ADRA1D: variants seen among roughly 807,000 people sequenced by gnomAD.
ADRA1D encodes alpha-1D adrenergic receptor.
A neutral mutation model predicts 18.6 loss-of-function variants in ADRA1D; 22 were observed. The observed-to-expected ratio is 1.19, with a 90% CI of 0.85 to 1.69. The LOEUF is 1.69. Ranked by LOEUF, ADRA1D falls within the 40% of genes most tolerant of loss-of-function variation. The pLI is 0.00. For synonymous variants in ADRA1D, 376 were observed against 388.2 expected (o/e 0.97, Z 0.37); for missense variants, 840 against 840.7 (o/e 1.00, Z 0.01).
chr20:4,239,827 C>A lies in ADRA1D; in HGVS notation c.1111+8020G>T, dbSNP rs1033401575. ...AGAGGAATATTGAACATCTTCCCTG[C>A]CTTTGCTGTACAGATTCTATTTAAC... On this transcript the variant is annotated intron_variant, in intron 1 of 1. Transcript: ENST00000379453. This position sits in a 1 kb window ranked among gnomAD's most constrained non-coding sequence, Gnocchi z 4.9. 2.6e-5 allele frequency among the ~76,000 whole-genome samples: 4 copies of A among 152,202 alleles called. No homozygotes were observed. The highest frequency in any genetic ancestry group is 5.9e-5 in the Non-Finnish European group (4 of 68,030).
In ADRA1D at chr20:4,248,652, G is replaced by T; in HGVS notation, c.306C>A (p.Phe102Leu). The change falls in exon 1 of 2, where the codon TTC becomes TTA. Residue 102 changes from phenylalanine to leucine, a missense_variant. Coordinates refer to ENST00000379453, the MANE Select transcript of ADRA1D (RefSeq NM_000678.4). ...CGGCCATAAGGATGAAGGCTGCCAG[G>T]AAGACGCCCACGCCCACGCCCTGCG... ...VSAQGVGVGV[F>L]LAAFILMAVA... 3 of 1,610,606 alleles carry T rather than the reference G, an allele frequency of 1.9e-6. No homozygotes were observed. Among genetic ancestry groups the T allele is most frequent in the Non-Finnish European group, 2.5e-6 (3 of 1,178,914 alleles).
In ADRA1D at chr20:4,248,282, C is replaced by G. The variant is rs1316317711; in HGVS notation, c.676G>C (p.Val226Leu). 2.5e-6 allele frequency: 4 copies of G among 1,608,424 alleles called. No individual in the cohort carries two copies. In the South Asian group the frequency reaches 4.4e-5, roughly 18 times the overall value. ...CCCAGCAGGGGCCCTACGGACACCA[C>G]CAGGGCTACGACCCAGAGCAGGGCC... ...ILALLWVVAL[V>L]VSVGPLLGWK... is the part of the protein sequence containing the mutation. Residue 226 changes from valine (V) to leucine (L), a missense_variant, in exon 1 of 2, where the codon GTG becomes CTG. Coordinates refer to ENST00000379453, the MANE Select transcript of ADRA1D (RefSeq NM_000678.4).
intron 1 of ADRA1D, among the ~76,000 whole-genome samples, chr20:4,242,601 G>T (rs4815673): frequency 0.037 from 5,574 of 152,294 alleles, 161 homozygotes; most frequent in Admixed American, 0.049. Flanking sequence ...AGAGGCTCAG[G>T]TGTGGCTCAC....
chr20:4,224,996 T>TTG (rs1980761722), intron 1 of ADRA1D, among the ~76,000 whole-genome samples: 1 of 141,376 alleles, frequency 7.1e-6, no homozygotes, highest in Admixed American at 6.8e-5. Context: ...CATCTAAGTT[T>TTG]TTTTTTTTTT....
intron 1 of ADRA1D, among the ~76,000 whole-genome samples, chr20:4,231,267 G>A (rs9712476): frequency 2.2e-5 from 3 of 138,910 alleles, no homozygotes; most frequent in South Asian, 2.4e-4. Context: ...CTGGCTAATT[G>A]TTATTATTAT....
intron 1 of ADRA1D, among the ~76,000 whole-genome samples, chr20:4,246,448 G>A (rs552608476): frequency 1.6e-4 from 25 of 152,298 alleles, no homozygotes; most frequent in Non-Finnish European, 2.8e-4. Flanking sequence ...CAGCGAAGTC[G>A]GAGAGAATAG....
chr20:4,227,687 T>TCCCTCCCTCC (rs1980836222), intron 1 of ADRA1D, among the ~76,000 whole-genome samples: 1 of 47,830 alleles, frequency 2.1e-5, no homozygotes, highest in African/African-American at 8.8e-5. Flanking sequence ...TCCTTCCCTC[T>TCCCTCCCTCC]CTCCCTCCCT....
intron 1 of ADRA1D, among the ~76,000 whole-genome samples, chr20:4,231,080 C>CTTT (rs1980953734): frequency 3.7e-5 from 2 of 53,698 alleles, no homozygotes; most frequent in Non-Finnish European, 7.4e-5. Context: ...CTCTCTCTCT[C>CTTT]TCTTTTCTTT....
chr20:4,234,102 C>A (rs145487239), intron 1 of ADRA1D, among the ~76,000 whole-genome samples: 1 of 152,334 alleles, frequency 6.6e-6, no homozygotes, highest in Non-Finnish European at 1.5e-5. Flanking sequence ...GCTGGGCCAG[C>A]CTGGCCCACA....
chr20:4,223,657 G>A (rs958530008), intron 1 of ADRA1D, among the ~76,000 whole-genome samples: 1 of 152,180 alleles, frequency 6.6e-6, no homozygotes, highest in African/African-American at 2.4e-5. Flanking sequence ...TACGCGTTCA[G>A]TAGAAACCAT....
intron 1 of ADRA1D, among the ~76,000 whole-genome samples, chr20:4,224,388 C>T (rs758365615): frequency 6.6e-6 from 1 of 152,048 alleles, no homozygotes; most frequent in Non-Finnish European, 1.5e-5. Flanking sequence ...ACCCTCCTTT[C>T]CACAAACATC....
rs1292716814 is a variant in ADRA1D at position 4,224,742 on chromosome 20, A to G, written c.1112-2612T>C. On this transcript the variant is annotated intron_variant, in intron 1 of 1. Coordinates refer to ENST00000379453, the MANE Select transcript of ADRA1D (RefSeq NM_000678.4). The stretch of plus-strand genomic sequence containing the variant: ...GGGGGGGTCCTTAACAAATTATGGG[A>G]CCTTCTCTCTCTTCCTCTTGCCTTC... Among the ~76,000 whole-genome samples, 4 of 144,816 alleles carry G rather than the reference A, an allele frequency of 2.8e-5. No homozygotes were observed. In the Admixed American group the frequency reaches 2.8e-4, roughly 10 times the overall value.
intron 1 of ADRA1D, among the ~76,000 whole-genome samples, chr20:4,233,145 A>C (rs1981008061): frequency 6.6e-6 from 1 of 152,050 alleles, no homozygotes; most frequent in South Asian, 2.1e-4. Context: ...CTAAAAAATA[A>C]AATAAAATAT....
intron 1 of ADRA1D, among the ~76,000 whole-genome samples, chr20:4,228,131 T>C (rs1016296239): frequency 6.6e-6 from 1 of 152,200 alleles, no homozygotes; most frequent in Non-Finnish European, 1.5e-5. Flanking sequence ...CCTCCTTCTC[T>C]GCTTAGCTGA....
At chr20:4,238,074 C>CT (rs148337553) in intron 1 of ADRA1D, among the ~76,000 whole-genome samples, 5,124 of 149,590 alleles carry the variant, frequency 0.034, 278 homozygotes, top group African/African-American at 0.12. Flanking sequence ...ATGGTGAAAC[C>CT]CCCCCCGTCT....
rs747958733 is a variant in ADRA1D, at chr20:4,248,554, A to G, written c.404T>C (p.Ile135Thr). ...RHLQTVTNYF[I>T]VNLAVADLLL... ...CAGGTCGGCCACGGCCAGGTTCACG[A>G]TGAAATAGTTGGTGACGGTCTGCAG... The change falls in exon 1 of 2, where the codon ATC (isoleucine) becomes ACC (threonine). Residue 135 changes from isoleucine (I) to threonine (T), a missense_variant. Physicochemically the swap from Ile to Thr is moderately conservative, Grantham distance 89. Transcript: ENST00000379453. The G allele has an allele frequency of 6.2e-7, 1 of 1,613,936 alleles. No individual in the cohort carries two copies. The highest frequency in any genetic ancestry group is 1.1e-5 in the South Asian group (1 of 91,044).
At chr20:4,245,779 G>A (rs1241926159) in intron 1 of ADRA1D, among the ~76,000 whole-genome samples, 1 of 152,144 alleles carries the variant, frequency 6.6e-6, no homozygotes, top group Non-Finnish European at 1.5e-5. Flanking sequence ...AGGGGCTGGG[G>A]CGATGGGCCT....
At chr20:4,235,604 G>T (rs1981070090) in intron 1 of ADRA1D, among the ~76,000 whole-genome samples, 1 of 152,230 alleles carries the variant, frequency 6.6e-6, no homozygotes, top group African/African-American at 2.4e-5. Flanking sequence ...CTCGGCTCTG[G>T]GGCCACACTG....
chr20:4,224,810 C>T (rs138109451), intron 1 of ADRA1D, among the ~76,000 whole-genome samples: 97 of 151,980 alleles, frequency 6.4e-4, no homozygotes, highest in African/African-American at 2.2e-3. Flanking sequence ...GGCAGAGGCA[C>T]CATTCCCCTC....
Sources: allele counts gnomAD v4.1 joint callset (sites outside exome capture counted in the v4.1 genomes callset), GRCh38; gene constraint gnomAD v4.1.1; non-coding constraint Gnocchi (gnomAD v3.1); transcripts MANE v1.5; gene names NCBI Gene and HGNC (gene_info 2026-07-23, HGNC 2026-07-21).